Variants in SH3RF1 observed in about 807,000 individuals in gnomAD.
SH3RF1 encodes SH3 domain containing ring finger 1.
A neutral mutation model predicts 74.0 loss-of-function variants in SH3RF1; 32 were observed. The ratio of observed to expected loss-of-function variants is 0.43; its 90% CI spans 0.33 to 0.58. The LOEUF is 0.58. SH3RF1 is among the 20% of genes least tolerant of loss of function. The pLI is 0.05. For missense variants in SH3RF1, 954 were observed against 1,130.9 expected (o/e 0.84, Z 2.24); for synonymous variants, 396 against 439.6 (o/e 0.90, Z 1.24).
intron 2 of SH3RF1, among the ~76,000 whole-genome samples, chr4:169,194,424 T>C (rs1734777063): frequency 6.6e-6 from 1 of 152,120 alleles, no homozygotes; most frequent in South Asian, 2.1e-4. Flanking sequence ...CCTTAGACAC[T>C]CTGGTTTTGT....
At chr4:169,206,702 C>A (rs571130736) in intron 2 of SH3RF1, among the ~76,000 whole-genome samples, 1 of 152,042 alleles carries the variant, frequency 6.6e-6, no homozygotes, top group Non-Finnish European at 1.5e-5. Flanking sequence ...AAAGGTCTAA[C>A]CTTTATAGGG....
intron 2 of SH3RF1, among the ~76,000 whole-genome samples, chr4:169,209,341 C>G (rs1161114852): frequency 6.6e-6 from 1 of 151,896 alleles, no homozygotes; most frequent in East Asian, 1.9e-4. Flanking sequence ...GTCCTTTCAG[C>G]CAACTTGTCC....
chr4:169,235,236 A>G (rs975225039), intron 2 of SH3RF1, among the ~76,000 whole-genome samples: 1 of 152,226 alleles, frequency 6.6e-6, no homozygotes, highest in Non-Finnish European at 1.5e-5. Flanking sequence ...CATCTAGCTT[A>G]CATAACAACA....
chr4:169,127,156 T>G (rs958032683), intron 6 of SH3RF1, among the ~76,000 whole-genome samples: 1 of 152,256 alleles, frequency 6.6e-6, no homozygotes, highest in African/African-American at 2.4e-5. Context: ...TAGATACATG[T>G]AATACCAGTA....
intron 11 of SH3RF1, among the ~76,000 whole-genome samples, chr4:169,105,763 G>A (rs1009811142): frequency 3.3e-5 from 5 of 152,182 alleles, no homozygotes; most frequent in African/African-American, 1.2e-4. Context: ...GCACATGCTT[G>A]TGGTCCCAGC....
chr4:169,214,042 C>T (rs1275925801), intron 2 of SH3RF1, among the ~76,000 whole-genome samples: 1 of 152,142 alleles, frequency 6.6e-6, no homozygotes, highest in African/African-American at 2.4e-5. Flanking sequence ...TGTCAATATA[C>T]ACTGATATAG....
At chr4:169,210,682 G>A (rs1484739304) in intron 2 of SH3RF1, among the ~76,000 whole-genome samples, 4 of 152,218 alleles carry the variant, frequency 2.6e-5, no homozygotes, top group Non-Finnish European at 5.9e-5. Context: ...CTGACTGGAT[G>A]TGTAAAAAGA....
chr4:169,250,537 A>G (rs949793403), intron 2 of SH3RF1, among the ~76,000 whole-genome samples: 1 of 152,234 alleles, frequency 6.6e-6, no homozygotes, highest in African/African-American at 2.4e-5. Context: ...ACATACATCA[A>G]GTATAACCAT....
At chr4:169,241,102 C>T (rs61132655) in intron 2 of SH3RF1, among the ~76,000 whole-genome samples, 6,769 of 152,146 alleles carry the variant, frequency 0.044, 311 homozygotes, top group Admixed American at 0.14. Flanking sequence ...TGGTGGCGGG[C>T]GCCTGTAGTC....
chr4:169,144,813 C>T (rs1733846228), intron 4 of SH3RF1, among the ~76,000 whole-genome samples: 1 of 151,690 alleles, frequency 6.6e-6, no homozygotes, highest in African/African-American at 2.4e-5. Context: ...TACATCTTAA[C>T]AACTAATTTT....
chr4:169,241,742 C>T (rs1459304398), intron 2 of SH3RF1, among the ~76,000 whole-genome samples: 1 of 152,194 alleles, frequency 6.6e-6, no homozygotes, highest in Non-Finnish European at 1.5e-5. Context: ...GTGGGCAGAA[C>T]TTGACCTTGC....
intron 2 of SH3RF1, among the ~76,000 whole-genome samples, chr4:169,183,928 G>C (rs994298024): frequency 6.6e-6 from 1 of 152,192 alleles, no homozygotes; most frequent in East Asian, 1.9e-4. Context: ...CAAAGATAAA[G>C]CTGACAGACT....
intron 2 of SH3RF1, among the ~76,000 whole-genome samples, chr4:169,199,123 T>G (rs542214586): frequency 6.6e-6 from 1 of 152,312 alleles, no homozygotes; most frequent in Admixed American, 6.5e-5. Flanking sequence ...AAGGGCAGCA[T>G]GTAAAGTAGG....
In SH3RF1 at chr4:169,117,523, C is replaced by G. The variant is rs776370179; in HGVS notation, c.1777G>C (p.Val593Leu). Residue 593 changes from valine to leucine, a missense_variant and splice_region_variant, in exon 9 of 12, where the codon GTT (valine) becomes CTT (leucine). Physicochemically the swap from Val to Leu is conservative, Grantham distance 32 (BLOSUM62 1). Transcript: ENST00000284637. The part of the protein sequence containing the change: ...VNQARNAVRT[V>L]AAHNQERPTA... ...TGTTCTGGCCTGGGTTCCTCCTTAC[C>G]TGTCCTCACAGCATTGCGGGCCTGG... 6.8e-6 allele frequency: 11 copies of G among 1,614,060 alleles called. No individual in the cohort carries two copies. Among genetic ancestry groups the G allele is most frequent in the Non-Finnish European group, 4.2e-6 (5 of 1,180,012 alleles).
chr4:169,103,466 G>A (rs1281167188), intron 11 of SH3RF1, among the ~76,000 whole-genome samples: 1 of 152,122 alleles, frequency 6.6e-6, no homozygotes, highest in East Asian at 1.9e-4. Flanking sequence ...GTAAATCAAG[G>A]ATTATTCTTA....
intron 10 of SH3RF1, among the ~76,000 whole-genome samples, chr4:169,115,159 TA>T (rs1408743090): frequency 6.6e-6 from 1 of 152,060 alleles, no homozygotes; most frequent in South Asian, 2.1e-4. Context: ...AATGAGACAT[TA>T]AAAAAAACCC....
At position 169,269,263 on chromosome 4, in the gene SH3RF1, G is replaced by T; in HGVS notation, c.-51C>A. The T allele has an allele frequency of 1.3e-6, 2 of 1,502,520 alleles. No individual in the cohort carries two copies. The highest frequency in any genetic ancestry group is 1.8e-6 in the Non-Finnish European group (2 of 1,130,942). The allele number at this position is 1,502,520 out of a possible 1,614,324, so 93.1% of individuals were successfully genotyped here. The stretch of plus-strand genomic sequence containing the variant: ...TCTTCAGAAATGTTCATAGTTGTGT[G>T]CATCCCTTAAAATGACTCATGTAAC... On this transcript the variant is annotated 5_prime_UTR_variant, in exon 2 of 12. The change creates a premature stop within an existing upstream ORF in the 5' untranslated region. Transcript: ENST00000284637.
rs539729922 is a variant in SH3RF1 at position 169,182,971 on chromosome 4, T to C, written c.394-26292A>G. Among the ~76,000 whole-genome samples, 9 of 152,246 alleles carry C rather than the reference T, an allele frequency of 5.9e-5. No homozygotes were observed. In the South Asian group the frequency reaches 1.9e-3, roughly 32 times the overall value. On this transcript the variant is annotated intron_variant, in intron 2 of 11. Coordinates refer to ENST00000284637, the MANE Select transcript of SH3RF1 (RefSeq NM_020870.4). The stretch of plus-strand genomic sequence containing the variant: ...CTGAAGTGGAAGGACTGCTTGAGGC[T>C]AGGGGTTTGAGACCCGGCTGAGCAA...
intron 2 of SH3RF1, among the ~76,000 whole-genome samples, chr4:169,226,228 T>A (rs896576461): frequency 3.3e-5 from 5 of 152,140 alleles, no homozygotes; most frequent in Non-Finnish European, 7.4e-5. Flanking sequence ...CCCCAGACAA[T>A]GCAAATCACG....
Sources: allele counts gnomAD v4.1 joint callset (sites outside exome capture counted in the v4.1 genomes callset), GRCh38; gene constraint gnomAD v4.1.1; transcripts MANE v1.5; gene names NCBI Gene and HGNC (gene_info 2026-07-23, HGNC 2026-07-21).